DYNC1I1: variants seen among roughly 807,000 people sequenced by gnomAD.
DYNC1I1 encodes the protein dynein cytoplasmic 1 intermediate chain 1.
DYNC1I1 carries 43 observed loss-of-function variants against 86.6 expected under a neutral mutation model. That is an observed-to-expected ratio of 0.50 (90% CI 0.39 to 0.64). The LOEUF (loss-of-function observed/expected upper bound fraction) is 0.64. Among genes scored for constraint, DYNC1I1 ranks in the 30% least tolerant of loss-of-function variants. The pLI is 0.00. For missense variants in DYNC1I1, 604 were observed against 788.8 expected (o/e 0.77, Z 2.81); for synonymous variants, 262 against 283.7 (o/e 0.92, Z 0.77).
chr7:95,880,451 G>A (rs17167209), intron 6 of DYNC1I1, among the ~76,000 whole-genome samples: 17,613 of 151,926 alleles, frequency 0.12, 1,111 homozygotes, highest in South Asian at 0.21. Context: ...TTTCCTGGGG[G>A]AGCCAGCATA....
chr7:96,034,250 A>AT (rs1352622192), intron 12 of DYNC1I1, among the ~76,000 whole-genome samples: 1 of 152,094 alleles, frequency 6.6e-6, no homozygotes, highest in Non-Finnish European at 1.5e-5. Context: ...AGGGATTGGT[A>AT]TTTTATGGCT....
chr7:95,795,625 C>T (rs1794415528), intron 1 of DYNC1I1, among the ~76,000 whole-genome samples: 1 of 152,110 alleles, frequency 6.6e-6, no homozygotes, highest in Non-Finnish European at 1.5e-5. Flanking sequence ...CCTTAGCAAA[C>T]TAACGCAGGA....
chr7:95,838,177 A>G (rs148731311), intron 5 of DYNC1I1, among the ~76,000 whole-genome samples: 2 of 152,202 alleles, frequency 1.3e-5, no homozygotes, highest in East Asian at 3.9e-4. Flanking sequence ...TCTTACATTT[A>G]TATCTTTTAT....
intron 6 of DYNC1I1, among the ~76,000 whole-genome samples, chr7:95,901,766 A>G (rs1409726522): frequency 6.6e-6 from 1 of 152,216 alleles, no homozygotes; most frequent in Non-Finnish European, 1.5e-5. Flanking sequence ...GAAGCCTAGT[A>G]TGGTGAGATG....
At chr7:95,997,665 T>G (rs971386394) in intron 10 of DYNC1I1, among the ~76,000 whole-genome samples, 2 of 150,352 alleles carry the variant, frequency 1.3e-5, no homozygotes, top group African/African-American at 4.9e-5. Context: ...CAACAAACAT[T>G]TTTTTTAGTT....
intron 16 of DYNC1I1, among the ~76,000 whole-genome samples, chr7:96,097,101 A>G (rs1386632728): frequency 6.6e-6 from 1 of 152,188 alleles, no homozygotes; most frequent in Non-Finnish European, 1.5e-5. Context: ...GGAATAAAAT[A>G]TACAGTTATT....
rs1793302402 is a variant in DYNC1I1, at chr7:95,976,331, T to A, written c.491-1181T>A. On this transcript the variant is annotated intron_variant, in intron 6 of 16. Transcript: ENST00000447467. Reference sequence around the variant, plus strand: ...GCTATATTTTACATATCTGTATTTTTAAAATTGATATTCCTACCACAAATC... The same window carrying A: ...GCTATATTTTACATATCTGTATTTTAAAAATTGATATTCCTACCACAAATC... Among the ~76,000 whole-genome samples, 7 of 152,324 alleles carry A rather than the reference T, an allele frequency of 4.6e-5. 1 individual carries two copies. The South Asian group carries it at 1.5e-3, about 32-fold the overall frequency.
intron 6 of DYNC1I1, among the ~76,000 whole-genome samples, chr7:95,976,315 T>C (rs989048583): frequency 1.3e-5 from 2 of 152,220 alleles, no homozygotes; most frequent in Non-Finnish European, 2.9e-5. Context: ...TGCTATATTT[T>C]ACATATCTGT....
intron 14 of DYNC1I1, among the ~76,000 whole-genome samples, chr7:96,067,462 T>TA (rs1456157421): frequency 4.0e-5 from 6 of 148,754 alleles, no homozygotes; most frequent in Non-Finnish European, 7.5e-5. Flanking sequence ...TTTTTTTTTT[T>TA]ATTTCTTCTT....
chr7:95,853,637 TGATG>T (rs955604818), intron 5 of DYNC1I1, among the ~76,000 whole-genome samples: 1 of 152,218 alleles, frequency 6.6e-6, no homozygotes, highest in African/African-American at 2.4e-5. Flanking sequence ...ATCCTACAAC[TGATG>T]GATGGAATGT....
At chr7:95,993,152 T>C (rs911383021) in intron 9 of DYNC1I1, among the ~76,000 whole-genome samples, 1 of 152,150 alleles carries the variant, frequency 6.6e-6, no homozygotes. Flanking sequence ...ACTAGTCATG[T>C]TCAAACAAAC....
intron 14 of DYNC1I1, among the ~76,000 whole-genome samples, chr7:96,041,189 T>C (rs1176583942): frequency 6.6e-6 from 1 of 152,176 alleles, no homozygotes; most frequent in Non-Finnish European, 1.5e-5. Context: ...GAAAAAACCA[T>C]GTTAAGAGGA....
intron 6 of DYNC1I1, among the ~76,000 whole-genome samples, chr7:95,974,622 G>T (rs1277771588): frequency 6.6e-6 from 1 of 152,138 alleles, no homozygotes; most frequent in Admixed American, 6.6e-5. Flanking sequence ...CCTAAGCTGT[G>T]AATCTTTCTG....
At position 95,847,097 on chromosome 7, in the gene DYNC1I1, C is replaced by T. The variant is rs117860451; in HGVS notation, c.374+18981C>T. Among the ~76,000 whole-genome samples, 966 of 152,322 alleles carry T rather than the reference C, an allele frequency of 6.3e-3. 21 individuals carry two copies. The highest frequency in any genetic ancestry group is 0.029 in the East Asian group (149 of 5,174). ...TAGATTTCTTTATGTCTTCCAGTTA[C>T]ACCAGTCACTTTTCTTCCTACATGG... On this transcript the variant is annotated intron_variant, in intron 5 of 16. Transcript: ENST00000447467.
intron 6 of DYNC1I1, among the ~76,000 whole-genome samples, chr7:95,926,247 T>G (rs1205938088): frequency 6.6e-6 from 1 of 152,232 alleles, no homozygotes; most frequent in African/African-American, 2.4e-5. Flanking sequence ...ATTGCAGTAT[T>G]CTTTATAATA....
intron 10 of DYNC1I1, among the ~76,000 whole-genome samples, chr7:95,998,521 A>T (rs537427748): frequency 6.6e-6 from 1 of 152,080 alleles, no homozygotes; most frequent in Non-Finnish European, 1.5e-5. Flanking sequence ...ATCCTATCTG[A>T]TCTTTGCTAA....
chr7:96,002,531 T>A (rs1384601353), intron 10 of DYNC1I1, among the ~76,000 whole-genome samples: 1 of 152,160 alleles, frequency 6.6e-6, no homozygotes, highest in Non-Finnish European at 1.5e-5. Flanking sequence ...AATAAATAAA[T>A]GTGATGTATT....
intron 6 of DYNC1I1, among the ~76,000 whole-genome samples, chr7:95,958,969 A>C (rs1184954214): frequency 1.3e-5 from 2 of 152,210 alleles, no homozygotes; most frequent in Non-Finnish European, 2.9e-5. Context: ...GCTGGTCTAC[A>C]TAGAGGAGAA....
intron 6 of DYNC1I1, among the ~76,000 whole-genome samples, chr7:95,888,483 G>A (rs1037085043): frequency 6.6e-6 from 1 of 152,080 alleles, no homozygotes; most frequent in African/African-American, 2.4e-5. Flanking sequence ...TTTTGTTATT[G>A]GCTCAGAAAA....
Sources: gnomAD v4.1 joint callset for allele counts (sites outside exome capture counted in the v4.1 genomes callset) on GRCh38, gnomAD v4.1.1 for gene constraint, MANE v1.5 for transcripts, NCBI Gene and HGNC (gene_info 2026-07-23, HGNC 2026-07-21) for gene names.